Variants in PTPN14 observed in about 807,000 individuals in gnomAD.
PTPN14 encodes the protein protein tyrosine phosphatase non-receptor type 14, also known as tyrosine-protein phosphatase non-receptor type 14.
Under a neutral mutation model 126.8 loss-of-function variants are expected in PTPN14, and 53 were observed. The observed-to-expected ratio is 0.42, with a 90% CI of 0.34 to 0.53. The LOEUF (loss-of-function observed/expected upper bound fraction) is 0.53, where lower values mean the gene tolerates loss of function less well. Among genes scored for constraint, PTPN14 ranks in the 20% least tolerant of loss-of-function variants. The probability of loss-of-function intolerance (pLI) is 0.08; values close to 1 mark genes in which losing one functional copy is unlikely to be tolerated. For synonymous variants in PTPN14, 630 were observed against 599.3 expected (o/e 1.05, Z -0.75); for missense variants, 1,257 against 1,552.9 (o/e 0.81, Z 3.20).
chr1:214,457,786 ATGAG>A (rs1206350317), intron 2 of PTPN14, among the ~76,000 whole-genome samples: 7 of 152,174 alleles, frequency 4.6e-5, no homozygotes, highest in African/African-American at 1.2e-4. Flanking sequence ...CATATAATTA[ATGAG>A]TATTTTAGTT....
At chr1:214,410,589 C>T (rs2102579232) in intron 5 of PTPN14, among the ~76,000 whole-genome samples, 1 of 152,218 alleles carries the variant, frequency 6.6e-6, no homozygotes. Flanking sequence ...CCGCGCCTGG[C>T]CACATTTAAG....
intron 2 of PTPN14, 77 bp from the exon 3 acceptor site, chr1:214,452,051 G>A (rs1214381078): frequency 3.4e-6 from 5 of 1,475,970 alleles, no homozygotes; most frequent in South Asian, 1.3e-5. Context: ...CGAGACTCCA[G>A]CATGCTGCAT....
In PTPN14 at chr1:214,414,744, G is replaced by A. The variant is rs762847186; in HGVS notation, c.345-18C>T. The A allele has an allele frequency of 1.9e-6, 3 of 1,578,372 alleles. No individual in the cohort carries two copies. The highest frequency in any genetic ancestry group is 2.6e-6 in the Non-Finnish European group (3 of 1,147,684). ...ACTGATATCTGTTCATGGGAATAGA[G>A]GAACAAACAACCTTAAAAACACATA... On this transcript the variant is annotated intron_variant, in intron 3 of 18. Coordinates refer to ENST00000366956, the MANE Select transcript of PTPN14 (RefSeq NM_005401.5).
intron 5 of PTPN14, among the ~76,000 whole-genome samples, chr1:214,410,077 T>C (rs990539449): frequency 7.9e-5 from 12 of 152,194 alleles, no homozygotes; most frequent in Admixed American, 2.6e-4. Flanking sequence ...GCAAATATTT[T>C]CTTTCAATGT....
intron 1 of PTPN14, among the ~76,000 whole-genome samples, chr1:214,474,345 T>G (rs911267384): frequency 5.3e-5 from 8 of 152,180 alleles, no homozygotes; most frequent in African/African-American, 1.7e-4. Context: ...AAGAACACCC[T>G]CAGTTCATTT....
chr1:214,531,458 C>T (rs1166681093), intron 1 of PTPN14: 2 of 150,332 alleles, frequency 1.3e-5, no homozygotes, highest in African/African-American at 4.9e-5. Flanking sequence ...AGTTTCAAGA[C>T]CCAACTATCA....
At chr1:214,535,379 G>A (rs944049032) in intron 1 of PTPN14, among the ~76,000 whole-genome samples, 1 of 152,144 alleles carries the variant, frequency 6.6e-6, no homozygotes, top group African/African-American at 2.4e-5. Context: ...TAGTGCAAAG[G>A]TTATTATTCA....
rs371021350 is a variant in PTPN14, at chr1:214,516,786, C to T, written c.-155+34397G>A. On this transcript the variant is annotated intron_variant, in intron 1 of 18. Coordinates refer to ENST00000366956, the MANE Select transcript of PTPN14 (RefSeq NM_005401.5). The stretch of plus-strand genomic sequence containing the variant: ...AGAGGCAGGCAGGTGCTAAGTGTTC[C>T]ACCTAGGGAAATTCTAATCTTTACA... Among the ~76,000 whole-genome samples, 21 of 152,132 alleles carry T rather than the reference C, an allele frequency of 1.4e-4. No homozygotes were observed. In the South Asian group the frequency reaches 4.4e-3, roughly 32 times the overall value.
chr1:214,438,348 G>A (rs1416137365), intron 3 of PTPN14, among the ~76,000 whole-genome samples: 3 of 152,166 alleles, frequency 2.0e-5, no homozygotes, highest in Non-Finnish European at 4.4e-5. Flanking sequence ...ACCAGGCCGC[G>A]TCCTCTGCAG....
chr1:214,527,015 C>T (rs1006240133), intron 1 of PTPN14, among the ~76,000 whole-genome samples: 6 of 151,710 alleles, frequency 4.0e-5, no homozygotes, highest in Admixed American at 2.0e-4. Flanking sequence ...CACTTGAACC[C>T]GGGAGACAGA....
chr1:214,401,779 T>C lies in PTPN14; in HGVS notation c.582-7A>G, dbSNP rs17022807. The C allele has an allele frequency of 0.088, 136,939 of 1,556,802 alleles. 6,910 individuals are homozygous for C. Among genetic ancestry groups the C allele is most frequent in the South Asian group, 0.17 (15,291 of 88,866 alleles). On this transcript the variant is annotated splice_polypyrimidine_tract_variant and splice_region_variant and intron_variant, in intron 6 of 18. Transcript: ENST00000366956. ...TTCTGCTGGCAGGATTCCACTAAAA[T>C]CAAAATAGCATCAAAGGAAGAAATG...
At chr1:214,463,427 T>A (rs1174890494) in intron 2 of PTPN14, among the ~76,000 whole-genome samples, 1 of 152,012 alleles carries the variant, frequency 6.6e-6, no homozygotes, top group Non-Finnish European at 1.5e-5. Context: ...TCCAAGACAG[T>A]CTCCTGCACA....
intron 5 of PTPN14, among the ~76,000 whole-genome samples, chr1:214,410,074 T>C (rs764161362): frequency 2.0e-5 from 3 of 152,176 alleles, no homozygotes; most frequent in Non-Finnish European, 4.4e-5. Flanking sequence ...TTTGCAAATA[T>C]TTTCTTTCAA....
chr1:214,355,244 G>C lies in PTPN14; in HGVS notation c.*2678C>G, dbSNP rs1375876754. 9 of 152,324 alleles carry C rather than the reference G, an allele frequency of 5.9e-5. No homozygotes were observed. In the East Asian group the frequency reaches 1.7e-3, roughly 29 times the overall value. The allele number at this position is 152,324 out of a possible 1,614,324, so 9.4% of individuals were successfully genotyped here. A position where few individuals can be genotyped will look rare whatever the true frequency, so the allele number is the denominator to read the frequency against. ...CGGCAGGGACAGTGGATGAATTTCA[G>C]GGAAGCCCATGAGCTCTGACGACCT... On this transcript the variant is annotated 3_prime_UTR_variant, in exon 19 of 19. Transcript: ENST00000366956.
chr1:214,487,507 TC>T (rs1290948219), intron 1 of PTPN14, among the ~76,000 whole-genome samples: 1 of 151,926 alleles, frequency 6.6e-6, no homozygotes, highest in African/African-American at 2.4e-5. Context: ...GTGCCTGTAA[TC>T]CCAGTTGCTC....
chr1:214,433,876 C>A (rs1308689077), intron 3 of PTPN14, among the ~76,000 whole-genome samples: 1 of 149,596 alleles, frequency 6.7e-6, no homozygotes, highest in African/African-American at 2.5e-5. Flanking sequence ...ACTGCTTGAG[C>A]CGAGGGGTTC....
At position 214,350,804 on chromosome 1, in the gene PTPN14, C is replaced by T. The variant is rs1657691598; in HGVS notation, c.*7118G>A. ...GAACGCCTGACCTCAGGTGATCTGCCTGCCTCAGCCTCCCAAAGTGCTGGT... is the reference window on the plus strand; with the variant it reads ...GAACGCCTGACCTCAGGTGATCTGCTTGCCTCAGCCTCCCAAAGTGCTGGT... On this transcript the variant is annotated 3_prime_UTR_variant, in exon 19 of 19. Coordinates refer to ENST00000366956, the MANE Select transcript of PTPN14 (RefSeq NM_005401.5). 2 of 148,694 alleles carry T rather than the reference C, an allele frequency of 1.3e-5. No individual in the cohort carries two copies. Among genetic ancestry groups the T allele is most frequent in the Admixed American group, 6.8e-5 (1 of 14,716 alleles). 9.2% of individuals were successfully genotyped at this position (148,694 alleles called of 1,614,324 possible). A position where few individuals can be genotyped will look rare whatever the true frequency, so the allele number is the denominator to read the frequency against.
intron 3 of PTPN14, among the ~76,000 whole-genome samples, chr1:214,443,334 C>A (rs949858218): frequency 6.6e-6 from 1 of 152,100 alleles, no homozygotes; most frequent in Non-Finnish European, 1.5e-5. Flanking sequence ...ATCAAATTGA[C>A]TTTACACCAC....
intron 1 of PTPN14, among the ~76,000 whole-genome samples, chr1:214,540,411 C>T (rs1655807370): frequency 6.6e-6 from 1 of 152,210 alleles, no homozygotes; most frequent in Non-Finnish European, 1.5e-5. Context: ...GCTGTCACCA[C>T]TGACCCTAGA....
Sources: allele counts gnomAD v4.1 joint callset (sites outside exome capture counted in the v4.1 genomes callset), GRCh38; gene constraint gnomAD v4.1.1; transcripts MANE v1.5; gene names NCBI Gene and HGNC (gene_info 2026-07-23, HGNC 2026-07-21).